The following CADM2 variants were observed in gnomAD, a reference collection of about 807,000 sequenced individuals.
CADM2 encodes immunoglobulin superfamily member 4D.
A neutral mutation model predicts 49.8 loss-of-function variants in CADM2; 12 were observed. The observed-to-expected ratio is 0.24, with a 90% CI of 0.15 to 0.39. The LOEUF is 0.39. Ranked by LOEUF, CADM2 falls within the 10% of genes least tolerant of loss-of-function variation. CADM2 has a pLI of 1.00. For synonymous variants in CADM2, 214 were observed against 175.4 expected (o/e 1.22, Z -1.74); for missense variants, 378 against 492.3 (o/e 0.77, Z 2.20).
intron 1 of CADM2, among the ~76,000 whole-genome samples, chr3:85,534,177 A>G (rs1446107020): frequency 6.6e-6 from 1 of 152,108 alleles, no homozygotes; most frequent in Non-Finnish European, 1.5e-5. Flanking sequence ...GCGATGTCTG[A>G]TATCTTTACA....
intron 1 of CADM2, among the ~76,000 whole-genome samples, chr3:85,591,398 ATATAATTGCATTACAT>A (rs1255673669): frequency 3.7e-5 from 5 of 136,450 alleles, no homozygotes; most frequent in African/African-American, 1.3e-4. Flanking sequence ...TGCAGTTTAA[ATATAATTGCATTACAT>A]TAAAACAGTT....
At chr3:85,462,127 C>CT (rs2038274572) in intron 1 of CADM2, among the ~76,000 whole-genome samples, 2 of 152,138 alleles carry the variant, frequency 1.3e-5, no homozygotes, top group African/African-American at 4.8e-5. Context: ...AGAGAAACAT[C>CT]TAATCTATGA....
At chr3:85,241,612 A>G (rs192704756) in intron 1 of CADM2, among the ~76,000 whole-genome samples, 1 of 151,732 alleles carries the variant, frequency 6.6e-6, no homozygotes, top group Non-Finnish European at 1.5e-5. Flanking sequence ...AAAACATAAT[A>G]GGTAAAATGA....
chr3:85,247,447 C>G (rs1383854958), intron 1 of CADM2, among the ~76,000 whole-genome samples: 1 of 152,058 alleles, frequency 6.6e-6, no homozygotes, highest in Admixed American at 6.6e-5. Context: ...TTACAGAGGA[C>G]TTTAGGACTC....
intron 1 of CADM2, among the ~76,000 whole-genome samples, chr3:85,173,313 G>C (rs1015878475): frequency 1.3e-5 from 2 of 151,968 alleles, no homozygotes; most frequent in Non-Finnish European, 2.9e-5. Context: ...CTATAAATCA[G>C]TTTTAAACTC....
chr3:85,532,036 G>T (rs1215411522), intron 1 of CADM2, among the ~76,000 whole-genome samples: 1 of 152,190 alleles, frequency 6.6e-6, no homozygotes, highest in African/African-American at 2.4e-5. Context: ...AATTAGCCAG[G>T]CGTGGTGGCG....
At chr3:85,381,010 A>G (rs948300727) in intron 1 of CADM2, among the ~76,000 whole-genome samples, 2 of 152,086 alleles carry the variant, frequency 1.3e-5, no homozygotes, top group Non-Finnish European at 2.9e-5. Context: ...GAGAAACACA[A>G]AGTTAGAAAG....
intron 1 of CADM2, among the ~76,000 whole-genome samples, chr3:85,530,322 G>GTTTTTTTT (rs57504567): frequency 6.1e-4 from 19 of 31,278 alleles, no homozygotes; most frequent in Non-Finnish European, 1.2e-3. Flanking sequence ...TCTTTTCTCC[G>GTTTTTTTT]TTTTTTTTTT....
At chr3:85,929,391 CAT>C (rs1209246198) in intron 6 of CADM2, among the ~76,000 whole-genome samples, 2 of 151,766 alleles carry the variant, frequency 1.3e-5, no homozygotes, top group Non-Finnish European at 2.9e-5. Flanking sequence ...ACTTATAAAA[CAT>C]ATTCACAGAA....
At position 85,932,237 on chromosome 3, in the gene CADM2, C is replaced by T. The variant is rs1328913465; in HGVS notation, c.701-3530C>T. ...ACGAGGTATCGGGTGTATGTCACTG[C>T]GTGGATGCTAGTGGTATCTATAGAA... is the stretch of plus-strand genomic sequence containing the variant. On this transcript the variant is annotated intron_variant, in intron 6 of 9. Transcript: ENST00000383699. Among the ~76,000 whole-genome samples, 4 of 152,022 alleles carry T rather than the reference C, an allele frequency of 2.6e-5. No individual in the cohort carries two copies. In the East Asian group the frequency reaches 5.8e-4, roughly 22 times the overall value.
At chr3:85,669,864 T>C (rs1268874372) in intron 1 of CADM2, among the ~76,000 whole-genome samples, 1 of 152,120 alleles carries the variant, frequency 6.6e-6, no homozygotes, top group Non-Finnish European at 1.5e-5. Flanking sequence ...TTTCTTCTTT[T>C]TATTGTTGTC....
chr3:85,078,413 G>C (rs1408334227), intron 1 of CADM2, among the ~76,000 whole-genome samples: 1 of 151,874 alleles, frequency 6.6e-6, no homozygotes. Context: ...TCAGAGCTAA[G>C]AACAAAGCAA....
chr3:85,802,718 A>G (rs376033887), intron 3 of CADM2, among the ~76,000 whole-genome samples: 71 of 152,302 alleles, frequency 4.7e-4, no homozygotes, highest in Non-Finnish European at 9.3e-4. Flanking sequence ...TAGTTTTTAA[A>G]GTTGAATTGG....
At chr3:85,625,804 C>T (rs2064111485) in intron 1 of CADM2, among the ~76,000 whole-genome samples, 1 of 151,900 alleles carries the variant, frequency 6.6e-6, no homozygotes, top group African/African-American at 2.4e-5. Context: ...AAGTTTCTCC[C>T]TGCTTTTCTC....
chr3:85,445,695 GTGGGA>G (rs1460158851), intron 1 of CADM2, among the ~76,000 whole-genome samples: 29 of 152,202 alleles, frequency 1.9e-4, no homozygotes, highest in Middle Eastern at 6.8e-3. Flanking sequence ...GGAATTAATA[GTGGGA>G]GGGACAGAAA....
chr3:85,248,324 G>A (rs1222301979), intron 1 of CADM2, among the ~76,000 whole-genome samples: 11 of 151,856 alleles, frequency 7.2e-5, no homozygotes, highest in East Asian at 1.9e-4. Context: ...GCCCAAGCTG[G>A]AGTGAAGTGG....
chr3:85,863,029 A>G (rs2075594736), intron 3 of CADM2, among the ~76,000 whole-genome samples: 1 of 152,180 alleles, frequency 6.6e-6, no homozygotes, highest in Non-Finnish European at 1.5e-5. Context: ...CTTATTAGGT[A>G]TTCAGTAGAG....
chr3:85,725,419 G>A (rs964203166), intron 1 of CADM2, among the ~76,000 whole-genome samples: 1 of 151,714 alleles, frequency 6.6e-6, no homozygotes, highest in African/African-American at 2.4e-5. Flanking sequence ...TTTTACTAAA[G>A]GTCAGTCCAC....
chr3:85,106,576 T>G (rs2038235399), intron 1 of CADM2, among the ~76,000 whole-genome samples: 1 of 152,144 alleles, frequency 6.6e-6, no homozygotes, highest in South Asian at 2.1e-4. Flanking sequence ...AAAATAAAGA[T>G]TAATAAGGCA....
Sources: gnomAD v4.1 joint callset for allele counts (sites outside exome capture counted in the v4.1 genomes callset) on GRCh38, gnomAD v4.1.1 for gene constraint, MANE v1.5 for transcripts, NCBI Gene and HGNC (gene_info 2026-07-23, HGNC 2026-07-21) for gene names.